GPC5: variants seen among roughly 807,000 people sequenced by gnomAD.
GPC5 encodes glypican 5.
A neutral mutation model predicts 53.9 loss-of-function variants in GPC5; 47 were observed. The ratio of observed to expected loss-of-function variants is 0.87; its 90% CI spans 0.69 to 1.11. The LOEUF is 1.11. GPC5 is among the 50% of genes most tolerant of loss of function. The pLI is 0.00. For synonymous variants in GPC5, 286 were observed against 263.3 expected (o/e 1.09, Z -0.84); for missense variants, 748 against 713.1 (o/e 1.05, Z -0.56).
chr13:92,804,265 G>C (rs1047943133), intron 7 of GPC5, among the ~76,000 whole-genome samples: 2 of 151,854 alleles, frequency 1.3e-5, no homozygotes, highest in African/African-American at 2.4e-5. Flanking sequence ...TAATAAACAG[G>C]CTTCAGCATC....
rs554875377 is a variant in GPC5, at chr13:91,652,180, T to C, written c.326-41007T>C. Reference sequence around the variant, plus strand: ...ATAAGAGCATGTTTCCATTTATGTTTTCCACCTACAAATCTAATGTCTTTT... The same window carrying C: ...ATAAGAGCATGTTTCCATTTATGTTCTCCACCTACAAATCTAATGTCTTTT... On this transcript the variant is annotated intron_variant, in intron 2 of 7. Coordinates refer to ENST00000377067, the MANE Select transcript of GPC5 (RefSeq NM_004466.6). 5.3e-5 allele frequency among the ~76,000 whole-genome samples: 8 copies of C among 152,324 alleles called. No individual in the cohort carries two copies. The South Asian group carries it at 1.7e-3, about 32-fold the overall frequency.
At chr13:91,800,875 C>T (rs999511447) in intron 5 of GPC5, among the ~76,000 whole-genome samples, 1 of 151,988 alleles carries the variant, frequency 6.6e-6, no homozygotes, top group Admixed American at 6.6e-5. Context: ...CATCTGTCTC[C>T]ATAGTGTCTT....
At chr13:92,437,251 G>A (rs1877343672) in intron 7 of GPC5, among the ~76,000 whole-genome samples, 1 of 152,128 alleles carries the variant, frequency 6.6e-6, no homozygotes, top group African/African-American at 2.4e-5. Context: ...CCAATGACAA[G>A]CACTGAGTGA....
chr13:92,461,146 A>G (rs1176914621), intron 7 of GPC5, among the ~76,000 whole-genome samples: 1 of 152,230 alleles, frequency 6.6e-6, no homozygotes, highest in East Asian at 1.9e-4. Flanking sequence ...AAACTAAATA[A>G]GAAGTATTCC....
intron 6 of GPC5, among the ~76,000 whole-genome samples, chr13:92,114,087 T>G (rs2041580587): frequency 6.6e-6 from 1 of 152,334 alleles, no homozygotes; most frequent in African/African-American, 2.4e-5. Flanking sequence ...AGTAGCCATT[T>G]ACTGGAAAAC....
At chr13:92,776,624 T>C (rs1028010530) in intron 7 of GPC5, among the ~76,000 whole-genome samples, 2 of 152,212 alleles carry the variant, frequency 1.3e-5, no homozygotes, top group African/African-American at 4.8e-5. Flanking sequence ...ATTTTTACTG[T>C]TTTATATTTT....
At chr13:92,817,391 A>AT (rs1377178996) in intron 7 of GPC5, among the ~76,000 whole-genome samples, 6 of 151,780 alleles carry the variant, frequency 4.0e-5, no homozygotes, top group African/African-American at 1.5e-4. Flanking sequence ...TACTTTTTTG[A>AT]TTTTTTAAGT....
chr13:92,121,163 C>A (rs2041645851), intron 6 of GPC5, among the ~76,000 whole-genome samples: 1 of 152,162 alleles, frequency 6.6e-6, no homozygotes, highest in African/African-American at 2.4e-5. Context: ...TCTATTGTAA[C>A]CTCAGTTCCA....
At chr13:92,525,336 CAT>C (rs1164200005) in intron 7 of GPC5, among the ~76,000 whole-genome samples, 7 of 151,896 alleles carry the variant, frequency 4.6e-5, no homozygotes, top group East Asian at 1.9e-4. Context: ...AAAAATATCA[CAT>C]GTTTTGAAGT....
intron 7 of GPC5, among the ~76,000 whole-genome samples, chr13:92,414,971 T>C (rs1024864019): frequency 1.7e-4 from 26 of 152,134 alleles, no homozygotes; most frequent in African/African-American, 6.3e-4. Flanking sequence ...ATTCAGACCA[T>C]AGCAAGGGGT....
chr13:92,204,915 T>G (rs2042322253), intron 7 of GPC5, among the ~76,000 whole-genome samples: 1 of 152,146 alleles, frequency 6.6e-6, no homozygotes, highest in South Asian at 2.1e-4. Flanking sequence ...GTCTCGCTCT[T>G]TCTCCCAGGC....
chr13:92,442,264 TCTC>T (rs1489872089), intron 7 of GPC5, among the ~76,000 whole-genome samples: 2 of 152,106 alleles, frequency 1.3e-5, no homozygotes, highest in African/African-American at 4.8e-5. Context: ...AATATCCAAC[TCTC>T]CTCATTAGGT....
intron 7 of GPC5, among the ~76,000 whole-genome samples, chr13:92,603,556 G>A (rs1336830472): frequency 6.6e-6 from 1 of 152,116 alleles, no homozygotes. Context: ...TTGCACCTAC[G>A]AGGCACAACA....
chr13:91,477,800 CAT>C (rs1883016617), intron 2 of GPC5, among the ~76,000 whole-genome samples: 1 of 152,146 alleles, frequency 6.6e-6, no homozygotes, highest in African/African-American at 2.4e-5. Context: ...TGCTATGCGG[CAT>C]AGTCTTTCTA....
At chr13:92,520,837 A>G (rs1881013741) in intron 7 of GPC5, among the ~76,000 whole-genome samples, 1 of 152,186 alleles carries the variant, frequency 6.6e-6, no homozygotes, top group African/African-American at 2.4e-5. Flanking sequence ...GAGGAAGTCA[A>G]ATTGTCCCTG....
At chr13:91,445,481 T>G (rs1054370174) in intron 1 of GPC5, among the ~76,000 whole-genome samples, 1 of 152,150 alleles carries the variant, frequency 6.6e-6, no homozygotes. Context: ...TGTTTATTTG[T>G]TTGTTTGTTT....
chr13:92,417,000 CAT>C (rs1360985115), intron 7 of GPC5, among the ~76,000 whole-genome samples: 4 of 152,156 alleles, frequency 2.6e-5, no homozygotes, highest in Non-Finnish European at 4.4e-5. Flanking sequence ...TTTATTGGGA[CAT>C]AACCCATTTA....
rs538206112 is a variant in GPC5 at position 91,957,165 on chromosome 13, T to G, written c.1401+49108T>G. 5.9e-5 allele frequency among the ~76,000 whole-genome samples: 9 copies of G among 152,246 alleles called. No homozygotes were observed. The South Asian group carries it at 1.9e-3, about 32-fold the overall frequency. Reference sequence around the variant, plus strand: ...AATGGAAATTCTGGGACTGAGGAATTCATTGAATTAAATTTAAAAAGTACA... The same window carrying G: ...AATGGAAATTCTGGGACTGAGGAATGCATTGAATTAAATTTAAAAAGTACA... On this transcript the variant is annotated intron_variant, in intron 6 of 7. Transcript: ENST00000377067.
At chr13:92,326,189 C>A (rs73629674) in intron 7 of GPC5, among the ~76,000 whole-genome samples, 1 of 151,984 alleles carries the variant, frequency 6.6e-6, no homozygotes, top group Admixed American at 6.6e-5. Context: ...AAAATGAAAA[C>A]AAAAGTCAGA....
Sources: allele counts gnomAD v4.1 joint callset (sites outside exome capture counted in the v4.1 genomes callset), GRCh38; gene constraint gnomAD v4.1.1; transcripts MANE v1.5; gene names NCBI Gene and HGNC (gene_info 2026-07-23, HGNC 2026-07-21).